Variants in NAA15 observed in about 807,000 individuals in gnomAD.
The protein encoded by NAA15 is N-alpha-acetyltransferase 15, NatA auxiliary subunit.
A neutral mutation model predicts 114.0 loss-of-function variants in NAA15; 34 were observed. That is an observed-to-expected ratio of 0.30 (90% confidence interval 0.23 to 0.40). The LOEUF is 0.40. NAA15 is among the 10% of genes least tolerant of loss of function. The pLI is 1.00. For synonymous variants in NAA15, 340 were observed against 338.0 expected (o/e 1.01, Z -0.06); for missense variants, 658 against 1,004.5 (o/e 0.66, Z 4.66).
rs2122595 is a variant in NAA15 at position 139,389,506 on chromosome 4, G to A, written c.*1422G>A. On this transcript the variant is annotated 3_prime_UTR_variant, in exon 20 of 20. Transcript: ENST00000296543. ...AAGTAGAATGCTGCTCCTGCATTAA[G>A]ATTTCATTGAGGGCAAGGCTGGTGG... 1.3e-5 allele frequency: 2 copies of A among 152,590 alleles called. No individual in the cohort carries two copies. Among genetic ancestry groups the A allele is most frequent in the African/African-American group, 4.8e-5 (2 of 41,434 alleles). The allele number at this position is 152,590 out of a possible 1,614,324, so 9.5% of individuals were successfully genotyped here.
intron 6 of NAA15, among the ~76,000 whole-genome samples, chr4:139,345,313 G>C (rs575382025): frequency 2.0e-5 from 3 of 152,302 alleles, no homozygotes; most frequent in African/African-American, 7.2e-5. Flanking sequence ...AATCACAAAG[G>C]AAGGAAATTT....
In NAA15 at chr4:139,384,846, A is replaced by G; in HGVS notation, c.2170A>G (p.Lys724Glu). ...RLFNTAVCES[K>E]DLSDTVRTVL... is the part of the protein sequence containing the mutation. ...AATTTATTCAGCAGTGTGTGAAAGTAAAGATTTATCTGATACAGTTAGAAC... is the reference window on the plus strand; with the variant it reads ...AATTTATTCAGCAGTGTGTGAAAGTGAAGATTTATCTGATACAGTTAGAAC... The change falls in exon 18 of 20, where the codon AAA (lysine) becomes GAA (glutamate). Residue 724 changes from lysine to glutamate, a missense_variant. By Grantham distance (56) the Lys-to-Glu change is moderately conservative. Coordinates refer to ENST00000296543, the MANE Select transcript of NAA15 (RefSeq NM_057175.5). The G allele has an allele frequency of 1.4e-6, 2 of 1,453,794 alleles. No individual in the cohort carries two copies. The highest frequency in any genetic ancestry group is 1.8e-6 in the Non-Finnish European group (2 of 1,087,998). 90.1% of individuals were successfully genotyped at this position (1,453,794 alleles called of 1,614,324 possible).
chr4:139,310,930 A>ATTTT (rs113177792), intron 1 of NAA15, among the ~76,000 whole-genome samples: 43,633 of 151,242 alleles, frequency 0.29, 7,229 homozygotes, highest in African/African-American at 0.43. Flanking sequence ...AATTTAAAAA[A>ATTTT]TTTTGAGACA....
At chr4:139,369,300 T>C (rs1323092160) in intron 14 of NAA15, among the ~76,000 whole-genome samples, 1 of 152,266 alleles carries the variant, frequency 6.6e-6, no homozygotes, top group Non-Finnish European at 1.5e-5. Context: ...AACAGCTTGT[T>C]ATATTCATAG....
At chr4:139,378,525 G>A (rs1579136762) in intron 16 of NAA15, among the ~76,000 whole-genome samples, 1 of 152,262 alleles carries the variant, frequency 6.6e-6, no homozygotes, top group Non-Finnish European at 1.5e-5. Flanking sequence ...TTTAAATATT[G>A]CTAAATGCCA....
intron 6 of NAA15, 32 bp downstream of exon 6, chr4:139,344,371 T>C (rs1271004811): frequency 1.3e-6 from 2 of 1,568,214 alleles, no homozygotes; most frequent in Non-Finnish European, 1.7e-6. Context: ...TTTATTCTAA[T>C]ATTGAAATAT....
intron 14 of NAA15, among the ~76,000 whole-genome samples, chr4:139,365,810 C>T (rs1163566860): frequency 6.6e-6 from 1 of 152,102 alleles, no homozygotes; most frequent in Admixed American, 6.5e-5. Context: ...ATGTTTGCCA[C>T]TACACTCCAG....
chr4:139,335,263 G>C (rs1747161860), intron 2 of NAA15, among the ~76,000 whole-genome samples: 1 of 152,136 alleles, frequency 6.6e-6, no homozygotes, highest in East Asian at 1.9e-4. Context: ...TATGTTGTTT[G>C]ATATTCATTT....
At chr4:139,371,381 G>A (rs1416805154) in intron 15 of NAA15, among the ~76,000 whole-genome samples, 1 of 151,628 alleles carries the variant, frequency 6.6e-6, no homozygotes, top group African/African-American at 2.4e-5. Context: ...CTTGAATCTA[G>A]GAGTTCAAGG....
chr4:139,342,432 A>G (rs1747434095), intron 4 of NAA15, among the ~76,000 whole-genome samples: 1 of 150,476 alleles, frequency 6.6e-6, no homozygotes, highest in African/African-American at 2.4e-5. Context: ...TATTGTTCCC[A>G]TCATTGTGTT....
intron 5 of NAA15, among the ~76,000 whole-genome samples, chr4:139,343,453 TTTAG>T (rs1747479724): frequency 6.6e-6 from 1 of 152,224 alleles, no homozygotes; most frequent in Non-Finnish European, 1.5e-5. Flanking sequence ...ATACCTTACA[TTTAG>T]TTATCATTTC....
intron 1 of NAA15, among the ~76,000 whole-genome samples, chr4:139,316,601 A>T (rs1056862421): frequency 6.6e-6 from 1 of 151,732 alleles, no homozygotes; most frequent in African/African-American, 2.4e-5. Flanking sequence ...AGCGTTTTTG[A>T]TGTGTTTTCG....
rs931386213 is a variant in NAA15, at chr4:139,361,601, G to GT, written c.1540-116dup. Reference sequence around the variant, plus strand: ...ATATTCCTGTTGAATAATTGTAATTGTTTTTTTAAAATTTTACTAGTTTTT... The same window carrying GT: ...ATATTCCTGTTGAATAATTGTAATTGTTTTTTTTAAAATTTTACTAGTTTTT... On this transcript the variant is annotated intron_variant, in intron 13 of 19. Transcript: ENST00000296543. 21 of 612,392 alleles carry GT rather than the reference G, an allele frequency of 3.4e-5. No individual in the cohort carries two copies. The Admixed American group carries it at 6.3e-4, about 18-fold the overall frequency. 37.9% of individuals were successfully genotyped at this position (612,392 alleles called of 1,614,324 possible). A position where few individuals can be genotyped will look rare whatever the true frequency, so the allele number is the denominator to read the frequency against.
At chr4:139,309,713 T>C (rs1250830263) in intron 1 of NAA15, among the ~76,000 whole-genome samples, 3 of 152,228 alleles carry the variant, frequency 2.0e-5, no homozygotes, top group Non-Finnish European at 2.9e-5. Flanking sequence ...TTTTAAAAAA[T>C]ATTTTTTAAA....
chr4:139,306,490 C>G (rs566482677), intron 1 of NAA15, among the ~76,000 whole-genome samples: 2 of 152,130 alleles, frequency 1.3e-5, no homozygotes, highest in African/African-American at 4.8e-5. Flanking sequence ...CTGCCTCGGC[C>G]TCCCAAAGTG....
chr4:139,344,671 T>C (rs1747524342), intron 6 of NAA15, among the ~76,000 whole-genome samples: 2 of 152,206 alleles, frequency 1.3e-5, no homozygotes, highest in South Asian at 4.1e-4. Flanking sequence ...GAGGATGACA[T>C]TTCTTAGAAA....
chr4:139,370,082 G>A (rs1018223027), intron 14 of NAA15, 129 bp from the exon 15 acceptor site: 6 of 731,864 alleles, frequency 8.2e-6, no homozygotes, highest in Non-Finnish European at 1.0e-5. Context: ...TGGGATTATA[G>A]GCATGAGACG....
At chr4:139,387,438 GTGTT>G (rs2111012349) in intron 19 of NAA15, among the ~76,000 whole-genome samples, 1 of 152,336 alleles carries the variant, frequency 6.6e-6, no homozygotes, top group South Asian at 2.1e-4. Context: ...GTTGAATACA[GTGTT>G]TGAGTTTGCT....
At position 139,361,719 on chromosome 4, in the gene NAA15, G is replaced by T. The variant is rs1748137543; in HGVS notation, c.1540-5G>T. 1 of 1,528,318 alleles carries T rather than the reference G, an allele frequency of 6.5e-7. No individual in the cohort carries two copies. The highest frequency in any genetic ancestry group is 1.3e-5 in the South Asian group (1 of 77,826). 94.7% of individuals were successfully genotyped at this position (1,528,318 alleles called of 1,614,324 possible). Reference sequence around the variant, plus strand: ...GGTATAATAATAAAAAGATAATTTTGTTAGCATTTTATAGAAATCACTGAT... The same window carrying T: ...GGTATAATAATAAAAAGATAATTTTTTTAGCATTTTATAGAAATCACTGAT... On this transcript the variant is annotated splice_region_variant and splice_polypyrimidine_tract_variant and intron_variant, in intron 13 of 19. Coordinates refer to ENST00000296543, the MANE Select transcript of NAA15 (RefSeq NM_057175.5).
Sources: allele counts gnomAD v4.1 joint callset (sites outside exome capture counted in the v4.1 genomes callset), GRCh38; gene constraint gnomAD v4.1.1; transcripts MANE v1.5; gene names NCBI Gene and HGNC (gene_info 2026-07-23, HGNC 2026-07-21).